Variants in GALK1 observed in about 807,000 individuals in gnomAD.
The protein encoded by GALK1 is galactokinase 1, also known as galactokinase.
A neutral mutation model predicts 38.6 loss-of-function variants in GALK1; 30 were observed. The observed-to-expected ratio is 0.78, with a 90% CI of 0.58 to 1.05. The LOEUF is 1.05. Among genes scored for constraint, GALK1 ranks in the 50% least tolerant of loss-of-function variants. The pLI is 0.00. For synonymous variants in GALK1, 240 were observed against 233.6 expected (o/e 1.03, Z -0.25); for missense variants, 512 against 540.5 (o/e 0.95, Z 0.52).
chr17:75,754,099 C>T, downstream of GALK1: 1 of 447,034 alleles, frequency 2.2e-6, no homozygotes. Flanking sequence ...GCCTTGGCGG[C>T]TGGGAGCACA....
downstream of GALK1, chr17:75,756,636 C>T (rs1200197652): frequency 3.1e-6 from 5 of 1,612,670 alleles, no homozygotes; most frequent in Admixed American, 5.0e-5. Flanking sequence ...CCTCCCCCAG[C>T]CCCAGAGCTG....
At chr17:75,764,532 T>G in intron 1 of GALK1, 1 of 486,576 alleles carries the variant, frequency 2.1e-6, no homozygotes, top group Non-Finnish European at 4.1e-6. Flanking sequence ...CCTCCAGCAG[T>G]TCACTGGGCC....
chr17:75,763,039 C>T lies in GALK1; in HGVS notation c.586G>A (p.Gly196Ser), dbSNP rs780027352. The T allele has an allele frequency of 1.9e-6, 3 of 1,612,988 alleles. No individual in the cohort carries two copies. In the East Asian group the frequency reaches 6.7e-5, roughly 36 times the overall value. ...CTGCAGTCAATGAGCAGCGCGTGGC[C>T]TTTCTGTCCCATAAGTGAGATGAAC... ...DQFISLMGQKGHALLIDCRSL... is the reference protein window; with the variant it reads ...DQFISLMGQKSHALLIDCRSL... Residue 196 changes from glycine (G) to serine (S), a missense_variant, in exon 4 of 8, where the codon GGC becomes AGC. Transcript: ENST00000588479.
rs573790143 is a variant in GALK1 at position 75,764,984 on chromosome 17, C to A, written c.153G>T (p.Leu51=). ...TGCAGCCCCTCACCATAGGCAGCAC[C>A]AGGCCCTGGTTGTAGTCCGTGTGTT... ...IGEHTDYNQG[L]VLPMALELMT... is the part of the protein sequence containing the mutation. The change falls in exon 1 of 8, where the codon CTG becomes CTT. Residue 51 remains leucine (L), a synonymous_variant. Coordinates refer to ENST00000588479, the MANE Select transcript of GALK1 (RefSeq NM_000154.2). 4.3e-6 allele frequency: 7 copies of A among 1,609,614 alleles called. No homozygotes were observed. The East Asian group carries it at 1.1e-4, about 26-fold the overall frequency.
chr17:75,756,466 G>A, downstream of GALK1: 2 of 1,613,346 alleles, frequency 1.2e-6, no homozygotes, highest in Non-Finnish European at 1.7e-6. Flanking sequence ...ACCCTGCCCA[G>A]ACCTCGGTGG....
At chr17:75,760,505 C>T (rs2143595785) in intron 5 of GALK1, among the ~76,000 whole-genome samples, 1 of 151,252 alleles carries the variant, frequency 6.6e-6, no homozygotes. Flanking sequence ...CACGCCTGTG[C>T]CTGTAATCCC....
chr17:75,752,673 G>C lies in GALK1; in HGVS notation c.*23-936C>G, dbSNP rs2061396611. 4 of 1,487,822 alleles carry C rather than the reference G, an allele frequency of 2.7e-6. No individual in the cohort carries two copies. In the East Asian group the frequency reaches 9.1e-5, roughly 34 times the overall value. The allele number at this position is 1,487,822 out of a possible 1,614,324, so 92.2% of individuals were successfully genotyped here. The stretch of plus-strand genomic sequence containing the variant: ...GAGAGGGCAAAGGGGCCAGCAACTA[G>C]AGGACATGGAGGTTAAGGCAGCCTT... On this transcript the variant is annotated intron_variant, in intron 8 of 8. Coordinates refer to the GALK1 transcript ENST00000225614.
chr17:75,756,963 G>T (rs757316866), downstream of GALK1: 56 of 1,612,650 alleles, frequency 3.5e-5, no homozygotes, highest in Non-Finnish European at 4.3e-5. Flanking sequence ...CGCATTCCGG[G>T]TGGATGGAGA....
chr17:75,762,237 A>C (rs1046186877), intron 5 of GALK1, among the ~76,000 whole-genome samples: 1 of 151,866 alleles, frequency 6.6e-6, no homozygotes, highest in Non-Finnish European at 1.5e-5. Flanking sequence ...GGATCCCTTG[A>C]GCTCAAGAGT....
chr17:75,761,090 T>C (rs916129930), intron 5 of GALK1, among the ~76,000 whole-genome samples: 6 of 149,904 alleles, frequency 4.0e-5, no homozygotes, highest in Non-Finnish European at 8.9e-5. Context: ...TAATCCTAGC[T>C]ACTCAGGAGG....
At chr17:75,751,931 G>C (rs1568379374) in intron 8 of GALK1, 4 of 581,326 alleles carry the variant, frequency 6.9e-6, no homozygotes, top group Non-Finnish European at 6.2e-6. Context: ...GCCAACTTGA[G>C]TCCAGCCCTG....
downstream of GALK1, among the ~76,000 whole-genome samples, chr17:75,752,924 G>A (rs745318600): frequency 3.9e-5 from 6 of 152,156 alleles, no homozygotes; most frequent in Non-Finnish European, 4.4e-5. Flanking sequence ...GCCACCAGGC[G>A]GCCACCTGGC....
chr17:75,756,622 G>T, downstream of GALK1: 3 of 1,612,748 alleles, frequency 1.9e-6, no homozygotes, highest in Non-Finnish European at 2.5e-6. Context: ...TGCCAGGTGA[G>T]TTGCCTCCCC....
chr17:75,759,233 G>T (rs2061574470), intron 5 of GALK1, among the ~76,000 whole-genome samples: 1 of 152,094 alleles, frequency 6.6e-6, no homozygotes, highest in Non-Finnish European at 1.5e-5. Flanking sequence ...CTCGAGACCA[G>T]CCTGGCCAAC....
In GALK1 at chr17:75,758,235, G is replaced by A. The variant is rs1228031964; in HGVS notation, c.1082C>T (p.Ala361Val). 3 of 1,603,084 alleles carry A rather than the reference G, an allele frequency of 1.9e-6. No individual in the cohort carries two copies. The highest frequency in any genetic ancestry group is 2.6e-6 in the Non-Finnish European group (3 of 1,175,878). ...CTVTLLEASA[A>V]PHAMRHIQEH... ...CTGGATGTGCCGCATGGCGTGGGGA[G>A]CAGCGGAGGCCTCCAGCAGTGTCAC... The change falls in exon 7 of 8, where the codon GCT becomes GTT. Residue 361 changes from alanine to valine, a missense_variant. Ala to Val is a moderately conservative substitution (Grantham distance 64). Coordinates refer to ENST00000588479, the MANE Select transcript of GALK1 (RefSeq NM_000154.2).
chr17:75,755,089 G>A (rs201097664), downstream of GALK1: 102 of 1,602,294 alleles, frequency 6.4e-5, no homozygotes, highest in Non-Finnish European at 7.9e-5. Context: ...GGAGGAGCAG[G>A]CTTCCGCTGT....
At chr17:75,752,710 A>T in intron 8 of GALK1, 1 of 1,138,138 alleles carries the variant, frequency 8.8e-7, no homozygotes, top group Non-Finnish European at 1.3e-6. Context: ...GACAAATGCA[A>T]TGGAGTGCAC....
chr17:75,754,949 C>A (rs1371363126), downstream of GALK1: 3 of 1,395,774 alleles, frequency 2.1e-6, no homozygotes, highest in Non-Finnish European at 2.9e-6. Flanking sequence ...CATGCACGCA[C>A]ACACGTGCAC....
At chr17:75,754,495 G>T, downstream of GALK1, 1 of 1,582,790 alleles carries the variant, frequency 6.3e-7, no homozygotes, top group Admixed American at 1.7e-5. Context: ...TGGGTGACCA[G>T]GAATGTGCAG....
Sources: allele counts gnomAD v4.1 joint callset (sites outside exome capture counted in the v4.1 genomes callset), GRCh38; gene constraint gnomAD v4.1.1; transcripts MANE v1.5; gene names NCBI Gene and HGNC (gene_info 2026-07-23, HGNC 2026-07-21).